CLSTN3: variants seen among roughly 807,000 people sequenced by gnomAD.
The protein encoded by CLSTN3 is calsyntenin-3.
A neutral mutation model predicts 95.9 loss-of-function variants in CLSTN3; 36 were observed. The observed-to-expected ratio is 0.38, with a 90% CI of 0.29 to 0.50. CLSTN3 has a LOEUF of 0.50. Ranked by LOEUF, CLSTN3 falls within the 20% of genes least tolerant of loss-of-function variation. CLSTN3 has a pLI of 0.95. For missense variants in CLSTN3, 1,084 were observed against 1,268.8 expected (o/e 0.85, Z 2.21); for synonymous variants, 481 against 504.0 (o/e 0.95, Z 0.61).
In CLSTN3 at chr12:7,149,308, T is replaced by G; in HGVS notation, c.2074+110T>G. 9.5e-7 allele frequency: 1 copy of G among 1,049,140 alleles called. No homozygotes were observed. Among genetic ancestry groups the G allele is most frequent in the South Asian group, 1.5e-5 (1 of 67,090 alleles). 65.0% of individuals were successfully genotyped at this position (1,049,140 alleles called of 1,614,324 possible). On this transcript the variant is annotated intron_variant, in intron 13 of 17. Coordinates refer to ENST00000266546, the MANE Select transcript of CLSTN3 (RefSeq NM_014718.4). This position sits in a 1 kb window ranked among gnomAD's most constrained non-coding sequence, Gnocchi z 4.5. The stretch of plus-strand genomic sequence containing the variant: ...AGCAGAAAGCGACTCCATCCTGTGT[T>G]TGTTTGACTGAACAACTTACCTTTA...
intron 12 of CLSTN3, among the ~76,000 whole-genome samples, chr12:7,147,415 A>T (rs1457137117): frequency 6.6e-6 from 1 of 150,998 alleles, no homozygotes; most frequent in Non-Finnish European, 1.5e-5. Flanking sequence ...AAAAAAAAAA[A>T]AAAAAAAAAA....
intron 16 of CLSTN3, chr12:7,156,947 C>T (rs1033666241): frequency 1.7e-5 from 7 of 407,580 alleles, no homozygotes; most frequent in African/African-American, 1.4e-4. Flanking sequence ...AGGGAAGGGG[C>T]TGCTCTGTGC....
intron 1 of CLSTN3, 62 bp downstream of exon 1, chr12:7,130,774 G>T: frequency 1.4e-6 from 2 of 1,452,878 alleles, no homozygotes; most frequent in Admixed American, 2.0e-5. Context: ...TGCGGGGTGG[G>T]GGTGGGAAGG....
At position 7,137,500 on chromosome 12, in the gene CLSTN3, G is replaced by A. The variant is rs1042731742; in HGVS notation, c.1210+390G>A. ...TGGGACTGGTTGGCCCCAACTCCGA[G>A]GCCTGTTCTTCCCTCAACTGCAGGG... On this transcript the variant is annotated intron_variant, in intron 7 of 17. Transcript: ENST00000266546. This position sits in a 1 kb window ranked among gnomAD's most constrained non-coding sequence, Gnocchi z 4.4. Among the ~76,000 whole-genome samples, 13 of 152,156 alleles carry A rather than the reference G, an allele frequency of 8.5e-5. No individual in the cohort carries two copies. The highest frequency in any genetic ancestry group is 3.1e-4 in the African/African-American group (13 of 41,428).
At chr12:7,142,241 C>CG in intron 10 of CLSTN3, 102 bp downstream of exon 10, 1 of 979,276 alleles carries the variant, frequency 1.0e-6, no homozygotes, top group East Asian at 2.6e-5. Flanking sequence ...GTGACAGCCT[C>CG]CTAGGCCACC....
At position 7,146,420 on chromosome 12, in the gene CLSTN3, A is replaced by T. The variant is rs533227163; in HGVS notation, c.1848-2552A>T. On this transcript the variant is annotated intron_variant, in intron 12 of 17. Transcript: ENST00000266546. ...GTCTCTAAAAAATTAGAGAGAGAGA[A>T]AAAAAAAACAGATCTTATCATGGCA... Among the ~76,000 whole-genome samples, 91 of 151,800 alleles carry T rather than the reference A, an allele frequency of 6.0e-4. 1 individual carries two copies. The highest frequency in any genetic ancestry group is 1.7e-3 in the African/African-American group (71 of 41,362).
At chr12:7,131,917 C>T (rs969619318) in intron 1 of CLSTN3, 3 of 456,258 alleles carry the variant, frequency 6.6e-6, no homozygotes, top group Admixed American at 2.3e-5. Flanking sequence ...TCTTGCTCAC[C>T]GTGAGATACT....
chr12:7,135,560 G>A (rs778192570), intron 4 of CLSTN3, 25 bp downstream of exon 4: 23 of 1,609,888 alleles, frequency 1.4e-5, no homozygotes, highest in Non-Finnish European at 1.9e-5. Flanking sequence ...GGCTTCCCTG[G>A]CCACCCAGTT....
intron 16 of CLSTN3, among the ~76,000 whole-genome samples, chr12:7,155,270 C>G (rs1045291491): frequency 1.3e-5 from 2 of 152,228 alleles, no homozygotes; most frequent in African/African-American, 4.8e-5. Context: ...ATCCTCCCAT[C>G]TCCCCGGGCT....
At chr12:7,143,095 C>G in intron 11 of CLSTN3, 68 bp from the exon 12 acceptor site, 5 of 1,597,132 alleles carry the variant, frequency 3.1e-6, no homozygotes, top group Non-Finnish European at 4.3e-6. Flanking sequence ...CCCTACCCCT[C>G]TACCTCTGCT....
chr12:7,129,351 A>T (rs1939235083), upstream of CLSTN3: 1 of 174,198 alleles, frequency 5.7e-6, no homozygotes, highest in Admixed American at 5.4e-5. This position sits in a 1 kb window ranked among gnomAD's most constrained non-coding sequence, Gnocchi z 5.5. Context: ...CATGAAGAGC[A>T]CCCTGTAGGC....
intron 10 of CLSTN3, 117 bp from the exon 11 acceptor site, chr12:7,142,752 C>CT: frequency 5.3e-6 from 3 of 562,516 alleles, no homozygotes; most frequent in Non-Finnish European, 5.4e-6. Context: ...CACATTTCTC[C>CT]TTTTTTTCTT....
chr12:7,132,186 T>C (rs1294959012), intron 1 of CLSTN3, among the ~76,000 whole-genome samples: 1 of 152,098 alleles, frequency 6.6e-6, no homozygotes, highest in East Asian at 1.9e-4. Flanking sequence ...ATGGGGTAGA[T>C]AAGAACTGGG....
intron 12 of CLSTN3, among the ~76,000 whole-genome samples, chr12:7,143,533 T>C (rs971291490): frequency 1.3e-5 from 2 of 152,246 alleles, no homozygotes; most frequent in African/African-American, 4.8e-5. Flanking sequence ...CTGTTACTCT[T>C]TCTACCAAGT....
At chr12:7,151,423 A>G (rs1369319522) in intron 16 of CLSTN3, among the ~76,000 whole-genome samples, 1 of 152,184 alleles carries the variant, frequency 6.6e-6, no homozygotes, top group Non-Finnish European at 1.5e-5. Context: ...ACTATCAAGT[A>G]TTTACTAAGC....
At position 7,133,360 on chromosome 12, in the gene CLSTN3, T is replaced by C. The variant is rs1939342463; in HGVS notation, c.188-213T>C. ...GGCCAGGCAAGGGTTAAACACATCATGATTTTGTCAGATCTCAGGTCTGGA... is the reference window on the plus strand; with the variant it reads ...GGCCAGGCAAGGGTTAAACACATCACGATTTTGTCAGATCTCAGGTCTGGA... On this transcript the variant is annotated intron_variant, in intron 2 of 17. Transcript: ENST00000266546. This position sits in a 1 kb window ranked among gnomAD's most constrained non-coding sequence, Gnocchi z 4.7. Among the ~76,000 whole-genome samples the C allele has an allele frequency of 1.3e-5, 2 of 152,156 alleles. No individual in the cohort carries two copies. Among genetic ancestry groups the C allele is most frequent in the South Asian group, 4.1e-4 (2 of 4,824 alleles).
intron 16 of CLSTN3, chr12:7,156,423 A>G (rs1310370360): frequency 8.8e-6 from 4 of 456,658 alleles, no homozygotes; most frequent in South Asian, 4.6e-5. Context: ...TGTAGTGTCT[A>G]TGTCTTCCTT....
intron 12 of CLSTN3, among the ~76,000 whole-genome samples, chr12:7,146,418 G>A (rs79505035): frequency 0.1 from 15,048 of 145,110 alleles, 875 homozygotes; most frequent in South Asian, 0.23. Flanking sequence ...TAGAGAGAGA[G>A]AAAAAAAAAA....
At chr12:7,135,109 G>A (rs182266354) in intron 3 of CLSTN3, among the ~76,000 whole-genome samples, 5 of 152,102 alleles carry the variant, frequency 3.3e-5, no homozygotes, top group Admixed American at 2.6e-4. Flanking sequence ...GCTGTATCTC[G>A]TTGTGCCCAT....
Sources: allele counts gnomAD v4.1 joint callset (sites outside exome capture counted in the v4.1 genomes callset), GRCh38; gene constraint gnomAD v4.1.1; non-coding constraint Gnocchi (gnomAD v3.1); transcripts MANE v1.5; gene names NCBI Gene and HGNC (gene_info 2026-07-23, HGNC 2026-07-21).